ZNHIT1: variants seen among roughly 807,000 people sequenced by gnomAD.
ZNHIT1 encodes the protein zinc finger HIT-type containing 1.
In ZNHIT1, 20 loss-of-function variants were observed where a neutral mutation model predicts 21.4. The observed-to-expected ratio is 0.93, with a 90% CI of 0.66 to 1.36. The LOEUF (loss-of-function observed/expected upper bound fraction) is 1.36. Ranked by LOEUF, ZNHIT1 falls within the 40% of genes most tolerant of loss-of-function variation. The pLI, the probability that ZNHIT1 is intolerant of heterozygous loss-of-function variation, is 0.00. For synonymous variants in ZNHIT1, 79 were observed against 84.0 expected (o/e 0.94, Z 0.32); for missense variants, 170 against 213.5 (o/e 0.80, Z 1.27).
At chr7:101,222,908 C>T in intron 2 of ZNHIT1, 134 bp downstream of exon 2, 3 of 1,134,208 alleles carry the variant, frequency 2.6e-6, no homozygotes, top group Non-Finnish European at 3.7e-6. Context: ...CTGTGAGCAA[C>T]CACACCCCCT....
Position 101,224,028 on chromosome 7 carries a change from C to G in ZNHIT1, c.*70C>G, listed in dbSNP as rs149704334. 1.2e-6 allele frequency: 2 copies of G among 1,609,646 alleles called. No homozygotes were observed. The highest frequency in any genetic ancestry group is 1.7e-6 in the Non-Finnish European group (2 of 1,176,862). On this transcript the variant is annotated 3_prime_UTR_variant, in exon 5 of 5. Transcript: ENST00000305105. ...CCTTCAGAAAGACAGAATTTCATCA[C>G]CCAATGCAGGGGGAGCTCTTCCTGG... is the stretch of plus-strand genomic sequence containing the variant.
chr7:101,222,845 T>C, intron 2 of ZNHIT1, 71 bp downstream of exon 2: 2 of 1,551,564 alleles, frequency 1.3e-6, no homozygotes, highest in Non-Finnish European at 1.7e-6. Context: ...CAACTCAGGC[T>C]GTGGGAGGAC....
intron 1 of ZNHIT1, 54 bp from the exon 2 acceptor site, chr7:101,222,550 C>A (rs1798385524): frequency 1.3e-6 from 2 of 1,566,256 alleles, no homozygotes; most frequent in Non-Finnish European, 1.7e-6. Flanking sequence ...AGAGCGGCGG[C>A]CACACTGCTC....
rs754430245 is a variant in ZNHIT1 at position 101,223,822 on chromosome 7, G to A, written c.423G>A (p.Leu141=). The change falls in exon 4 of 5, where the codon CTG becomes CTA. Residue 141 remains leucine, a synonymous_variant. Transcript: ENST00000305105. ...CCCGGTACTGCACTGTGCGCTGTCTGGGGACCCACCAGGAGACCAGGTGAG... is the reference window on the plus strand; with the variant it reads ...CCCGGTACTGCACTGTGCGCTGTCTAGGGACCCACCAGGAGACCAGGTGAG... ...CGARYCTVRC[L]GTHQETRCLK... 1 of 1,614,082 alleles carries A rather than the reference G, an allele frequency of 6.2e-7. No homozygotes were observed.
Position 101,222,487 on chromosome 7 carries a change from G to A in ZNHIT1, c.23-117G>A, listed in dbSNP as rs914823479. 7.3e-6 allele frequency: 9 copies of A among 1,240,498 alleles called. No homozygotes were observed. In the African/African-American group the frequency reaches 1.2e-4, roughly 17 times the overall value. The allele number at this position is 1,240,498 out of a possible 1,614,324, so 76.8% of individuals were successfully genotyped here. ...AGGGGACCAAGGGCTTGGCAATGGG[G>A]ATGAGATCAGAGAGCTGCAGCTTCC... On this transcript the variant is annotated intron_variant, in intron 1 of 4. Transcript: ENST00000305105.
At chr7:101,222,462 A>T in intron 1 of ZNHIT1, 142 bp from the exon 2 acceptor site, 1 of 982,212 alleles carries the variant, frequency 1.0e-6, no homozygotes, top group Non-Finnish European at 1.5e-6. Context: ...GGAGGAGACA[A>T]GGGGACCAAG....
Position 101,220,958 on chromosome 7 carries a change from G to A in ZNHIT1, c.23-1646G>A, listed in dbSNP as rs1317687318. The stretch of plus-strand genomic sequence containing the variant: ...GTAGAGACATGGTTTCACCACGTTG[G>A]TCAGGCTGGTCTCGAACTCCTGACC... On this transcript the variant is annotated intron_variant, in intron 1 of 4. Coordinates refer to ENST00000305105, the MANE Select transcript of ZNHIT1 (RefSeq NM_006349.3). 6 of 152,278 alleles carry A rather than the reference G, an allele frequency of 3.9e-5. 1 individual carries two copies. Among genetic ancestry groups the A allele is most frequent in the Admixed American group, 3.9e-4 (6 of 15,288 alleles). 9.4% of individuals were successfully genotyped at this position (152,278 alleles called of 1,614,324 possible).
chr7:101,223,489 A>G lies in ZNHIT1; in HGVS notation c.206A>G (p.Lys69Arg), dbSNP rs747895876. 6.2e-7 allele frequency: 1 copy of G among 1,614,198 alleles called. No homozygotes were observed. The highest frequency in any genetic ancestry group is 8.5e-7 in the Non-Finnish European group (1 of 1,180,010). ...CCTTGACCCCTAGGAAAGAAAAAGA[A>G]GAAAACCCGAGGTGATCATTTTAAA... ...DDDADTGKKK[K>R]KTRGDHFKLR... The change falls in exon 3 of 5, where the codon AAG (lysine) becomes AGG (arginine). Residue 69 changes from lysine to arginine, a missense_variant. Lys to Arg is a conservative substitution (Grantham distance 26). Transcript: ENST00000305105.
In ZNHIT1 at chr7:101,223,720, A is replaced by ACCCCCATCGCGGCC. The variant is rs1798409112; in HGVS notation, c.324_337dup (p.Gln113ProfsTer43). 6.2e-7 allele frequency: 1 copy of ACCCCCATCGCGGCC among 1,612,274 alleles called. No individual in the cohort carries two copies. Among genetic ancestry groups the ACCCCCATCGCGGCC allele is most frequent in the African/African-American group, 1.3e-5 (1 of 74,680 alleles). Reference sequence around the variant, plus strand: ...CTAACTACCTGACGGCCTGTGCGGGACCCCCATCGCGGCCCCAGCGCCCCT... The same window carrying ACCCCCATCGCGGCC: ...CTAACTACCTGACGGCCTGTGCGGGACCCCCATCGCGGCCCCCCCATCGCGGCCCCAGCGCCCCT... On this transcript the variant is annotated frameshift_variant, in exon 4 of 5. Transcript: ENST00000305105. LOFTEE classifies it high-confidence loss of function.
intron 1 of ZNHIT1, 46 bp from the exon 2 acceptor site, chr7:101,222,558 C>T (rs1217857758): frequency 3.1e-5 from 49 of 1,578,114 alleles, no homozygotes; most frequent in Non-Finnish European, 4.2e-5. Context: ...GGCCACACTG[C>T]TCTTTCTTGG....
At chr7:101,223,887 A>G (rs751443729) in intron 4 of ZNHIT1, 45 bp downstream of exon 4, 44 of 1,613,880 alleles carry the variant, frequency 2.7e-5, no homozygotes, top group Non-Finnish European at 3.4e-5. Flanking sequence ...TCCTTCCCAC[A>G]GCCTCCCCAG....
intron 1 of ZNHIT1, chr7:101,218,983 T>C (rs2074685): frequency 0.33 from 49,716 of 152,242 alleles, 8,399 homozygotes; most frequent in African/African-American, 0.42. Flanking sequence ...GAAGCCAAGT[T>C]CACAGTTTGG....
intron 1 of ZNHIT1, chr7:101,218,486 G>C: frequency 2.0e-6 from 1 of 489,646 alleles, no homozygotes; most frequent in Non-Finnish European, 3.6e-6. Context: ...TGTTGCCCAG[G>C]TTGGTCTCCA....
In ZNHIT1 at chr7:101,223,960, C is replaced by G; in HGVS notation, c.*2C>G. On this transcript the variant is annotated 3_prime_UTR_variant, in exon 5 of 5. Coordinates refer to ENST00000305105, the MANE Select transcript of ZNHIT1 (RefSeq NM_006349.3). ...AGGTGTCTGAAGTGGACTGTGTGAG[C>G]CTGGGCATTCCCAGAGAGGAAGGGC... is the stretch of plus-strand genomic sequence containing the variant. 3.1e-6 allele frequency: 5 copies of G among 1,614,182 alleles called. No homozygotes were observed. Among genetic ancestry groups the G allele is most frequent in the Non-Finnish European group, 4.2e-6 (5 of 1,180,030 alleles).
Position 101,223,992 on chromosome 7 carries a change from G to T in ZNHIT1, c.*34G>T. On this transcript the variant is annotated 3_prime_UTR_variant, in exon 5 of 5. Coordinates refer to ENST00000305105, the MANE Select transcript of ZNHIT1 (RefSeq NM_006349.3). ...ATTCCCAGAGAGGAAGGGCCGCTGT[G>T]CACTGCCCGGCCTTCAGAAAGACAG... 5 of 1,614,134 alleles carry T rather than the reference G, an allele frequency of 3.1e-6. No individual in the cohort carries two copies. Among genetic ancestry groups the T allele is most frequent in the Non-Finnish European group, 4.2e-6 (5 of 1,180,026 alleles).
intron 1 of ZNHIT1, 156 bp from the exon 2 acceptor site, chr7:101,222,448 C>T (rs1584260534): frequency 4.8e-6 from 4 of 835,450 alleles, no homozygotes; most frequent in East Asian, 5.5e-5. Flanking sequence ...CAGGGCTTGG[C>T]CCGGGAGGAG....
intron 1 of ZNHIT1, 88 bp downstream of exon 1, chr7:101,218,305 G>C: frequency 2.0e-6 from 3 of 1,476,304 alleles, no homozygotes; most frequent in Non-Finnish European, 1.9e-6. Flanking sequence ...TTTTGGTCTC[G>C]CTCTTTCGCC....
intron 3 of ZNHIT1, 47 bp from the exon 4 acceptor site, chr7:101,223,626 G>A: frequency 2.5e-6 from 4 of 1,613,400 alleles, no homozygotes; most frequent in Non-Finnish European, 2.5e-6. Flanking sequence ...GGTGTTCGCT[G>A]CGTGGGTGGG....
chr7:101,224,069 G>T lies in ZNHIT1; in HGVS notation c.*111G>T. The T allele has an allele frequency of 4.6e-6, 7 of 1,512,654 alleles. No homozygotes were observed. The highest frequency in any genetic ancestry group is 6.4e-6 in the Non-Finnish European group (7 of 1,099,902). The allele number at this position is 1,512,654 out of a possible 1,614,324, so 93.7% of individuals were successfully genotyped here. A position where few individuals can be genotyped will look rare whatever the true frequency, so the allele number is the denominator to read the frequency against. On this transcript the variant is annotated 3_prime_UTR_variant, in exon 5 of 5. Transcript: ENST00000305105. Reference sequence around the variant, plus strand: ...CTCTTCCTGGACCAAGGGAGGAGCCGCTCATTCACCCAACAAAACTGTGTC... The same window carrying T: ...CTCTTCCTGGACCAAGGGAGGAGCCTCTCATTCACCCAACAAAACTGTGTC...
Sources: allele counts gnomAD v4.1 joint callset, GRCh38; gene constraint gnomAD v4.1.1; transcripts MANE v1.5; gene names NCBI Gene and HGNC (gene_info 2026-07-23, HGNC 2026-07-21).